The following DNAJC13 variants were observed in gnomAD, a reference collection of about 807,000 sequenced individuals.
DNAJC13 encodes dnaJ homolog subfamily C member 13.
In DNAJC13, 75 loss-of-function variants were observed where a neutral mutation model predicts 290.5. The ratio of observed to expected loss-of-function variants is 0.26; its 90% confidence interval spans 0.21 to 0.31. The LOEUF (loss-of-function observed/expected upper bound fraction) is 0.31, where lower values mean the gene tolerates loss of function less well. DNAJC13 is among the 10% of genes least tolerant of loss of function. DNAJC13 has a pLI of 1.00. For synonymous variants in DNAJC13, 862 were observed against 892.0 expected, an observed-to-expected ratio of 0.97 and a Z score of 0.60; for missense variants, 2,260 against 2,674.5, an observed-to-expected ratio of 0.85 and a Z score of 3.42.
At chr3:132,524,262 T>C (rs1333102090) in intron 51 of DNAJC13, among the ~76,000 whole-genome samples, 1 of 152,244 alleles carries the variant, frequency 6.6e-6, no homozygotes, top group Non-Finnish European at 1.5e-5. Context: ...AGATTTTGTT[T>C]TTCAAAGTCT....
chr3:132,462,992 C>T (rs1226350315), intron 16 of DNAJC13, among the ~76,000 whole-genome samples: 1 of 152,160 alleles, frequency 6.6e-6, no homozygotes, highest in African/African-American at 2.4e-5. Flanking sequence ...GATACTGCTT[C>T]TTTAAGATAG....
chr3:132,435,528 A>G (rs908017205), intron 2 of DNAJC13, among the ~76,000 whole-genome samples: 11 of 152,210 alleles, frequency 7.2e-5, no homozygotes, highest in African/African-American at 1.7e-4. Context: ...CAAACTGCCT[A>G]TAATTTTGGA....
chr3:132,422,755 A>G (rs1938995273), intron 1 of DNAJC13, among the ~76,000 whole-genome samples: 1 of 152,226 alleles, frequency 6.6e-6, no homozygotes, highest in African/African-American at 2.4e-5. Context: ...ATAGCTTGCT[A>G]GTAATTCTTT....
In DNAJC13 at chr3:132,480,475, G is replaced by A. The variant is rs772401674; in HGVS notation, c.2874+5G>A. 1.2e-5 allele frequency: 19 copies of A among 1,588,980 alleles called. No individual in the cohort carries two copies. The highest frequency in any genetic ancestry group is 2.3e-5 in the East Asian group (1 of 44,320). ...CGAGCTACAGTACCACTGCAAGTACGTATCCTTGTTTACGTTTTACAAATT... is the reference window on the plus strand; with the variant it reads ...CGAGCTACAGTACCACTGCAAGTACATATCCTTGTTTACGTTTTACAAATT... On this transcript the variant is annotated splice_donor_5th_base_variant and intron_variant, in intron 26 of 55. Coordinates refer to ENST00000260818, the MANE Select transcript of DNAJC13 (RefSeq NM_015268.4).
Position 132,460,373 on chromosome 3 carries a change from A to T in DNAJC13, c.1557+16A>T, listed in dbSNP as rs1194838598. On this transcript the variant is annotated intron_variant, in intron 14 of 55. Transcript: ENST00000260818. ...TTCCCATGTGGTAAGTTATAATTAA[A>T]TTTGTCTTCATGGTAGATACCATAC... 6.5e-7 allele frequency: 1 copy of T among 1,533,518 alleles called. No individual in the cohort carries two copies. Among genetic ancestry groups the T allele is most frequent in the Non-Finnish European group, 9.0e-7 (1 of 1,108,836 alleles). The allele number at this position is 1,533,518 out of a possible 1,614,324, so 95.0% of individuals were successfully genotyped here.
chr3:132,523,435 CTGTT>C lies in DNAJC13; in HGVS notation c.5887-101_5887-98del, dbSNP rs1193383841. ...AACTCATAATTTGATTATATTATGG[CTGTT>C]TGTGGACTGGTTAACATTATAAACA... On this transcript the variant is annotated intron_variant, in intron 50 of 55. Coordinates refer to ENST00000260818, the MANE Select transcript of DNAJC13 (RefSeq NM_015268.4). The C allele has an allele frequency of 2.3e-6, 3 of 1,321,710 alleles. No individual in the cohort carries two copies. In the Admixed American group the frequency reaches 6.8e-5, roughly 30 times the overall value. The allele number at this position is 1,321,710 out of a possible 1,614,324, so 81.9% of individuals were successfully genotyped here.
chr3:132,448,956 AC>A (rs1172189543), intron 5 of DNAJC13, among the ~76,000 whole-genome samples: 1 of 152,160 alleles, frequency 6.6e-6, no homozygotes, highest in Non-Finnish European at 1.5e-5. Context: ...TGTTTGGGAA[AC>A]AACTGCTTTC....
chr3:132,455,777 AAAAG>A (rs1933577058), intron 9 of DNAJC13, among the ~76,000 whole-genome samples: 1 of 152,238 alleles, frequency 6.6e-6, no homozygotes, highest in Admixed American at 6.5e-5. Context: ...AGTTTCTTTA[AAAAG>A]CAAAACTATA....
intron 1 of DNAJC13, among the ~76,000 whole-genome samples, chr3:132,422,730 A>T (rs1431186824): frequency 6.6e-6 from 1 of 152,244 alleles, no homozygotes. Context: ...GGTGTGGTTC[A>T]GTCAATAAAA....
chr3:132,518,641 C>T (rs1216199704), intron 48 of DNAJC13, among the ~76,000 whole-genome samples: 1 of 152,140 alleles, frequency 6.6e-6, no homozygotes, highest in Non-Finnish European at 1.5e-5. Context: ...GCAGGGTGAG[C>T]CAGTGTGTCT....
chr3:132,516,914 G>T lies in DNAJC13; in HGVS notation c.5673+98G>T. ...GTTTACTGAAATCTGAGATGGTGAGGATAAGGAAATGAGGTGATGTGAAAG... is the reference window on the plus strand; with the variant it reads ...GTTTACTGAAATCTGAGATGGTGAGTATAAGGAAATGAGGTGATGTGAAAG... On this transcript the variant is annotated intron_variant, in intron 48 of 55. Coordinates refer to ENST00000260818, the MANE Select transcript of DNAJC13 (RefSeq NM_015268.4). 3.8e-6 allele frequency: 4 copies of T among 1,041,516 alleles called. No homozygotes were observed. In the South Asian group the frequency reaches 4.7e-5, roughly 12 times the overall value. The allele number at this position is 1,041,516 out of a possible 1,614,324, so 64.5% of individuals were successfully genotyped here.
At chr3:132,503,496 T>G in intron 41 of DNAJC13, 115 bp downstream of exon 41, 1 of 1,237,446 alleles carries the variant, frequency 8.1e-7, no homozygotes, top group South Asian at 1.5e-5. Flanking sequence ...GTTCACATGT[T>G]TGTTCTCTCA....
intron 6 of DNAJC13, among the ~76,000 whole-genome samples, chr3:132,451,478 A>G (rs1037405160): frequency 1.3e-5 from 2 of 152,150 alleles, no homozygotes; most frequent in Non-Finnish European, 2.9e-5. Context: ...ATGGGGTATA[A>G]CAGAAGCTAC....
chr3:132,484,401 A>G, intron 28 of DNAJC13, 187 bp from the exon 29 acceptor site: 1 of 617,450 alleles, frequency 1.6e-6, no homozygotes, highest in Middle Eastern at 2.6e-4. Flanking sequence ...AAGGAAATGA[A>G]GTCATATTAA....
At chr3:132,441,393 C>A (rs1259039141) in intron 2 of DNAJC13, among the ~76,000 whole-genome samples, 1 of 152,202 alleles carries the variant, frequency 6.6e-6, no homozygotes, top group East Asian at 1.9e-4. Flanking sequence ...AACTAGACAA[C>A]CTTGCCTACA....
At chr3:132,470,886 G>C (rs1934209002) in intron 20 of DNAJC13, among the ~76,000 whole-genome samples, 1 of 135,848 alleles carries the variant, frequency 7.4e-6, no homozygotes, top group Non-Finnish European at 1.6e-5. Context: ...CGGCCGGGCG[G>C]GGGGCTGACC....
At chr3:132,481,527 G>A (rs1317793159) in intron 26 of DNAJC13, among the ~76,000 whole-genome samples, 1 of 152,196 alleles carries the variant, frequency 6.6e-6, no homozygotes, top group Non-Finnish European at 1.5e-5. Context: ...GCTGCAGTGA[G>A]GCATTTTTGT....
chr3:132,533,008 C>G (rs1008452982), intron 55 of DNAJC13, among the ~76,000 whole-genome samples: 4 of 147,784 alleles, frequency 2.7e-5, no homozygotes, highest in African/African-American at 1.0e-4. Flanking sequence ...ATCCACCCAC[C>G]TCGGCCTCCC....
At chr3:132,417,994 C>G (rs1012449996) in intron 1 of DNAJC13, among the ~76,000 whole-genome samples, 3 of 152,142 alleles carry the variant, frequency 2.0e-5, no homozygotes, top group Non-Finnish European at 2.9e-5. Flanking sequence ...CCAGCCCCAC[C>G]CCTTTTTTTT....
Sources: gnomAD v4.1 joint callset for allele counts (sites outside exome capture counted in the v4.1 genomes callset) on GRCh38, gnomAD v4.1.1 for gene constraint, MANE v1.5 for transcripts, NCBI Gene and HGNC (gene_info 2026-07-23, HGNC 2026-07-21) for gene names.